Variants in APBA2 observed in about 807,000 individuals in gnomAD.
APBA2 encodes amyloid-beta A4 precursor protein-binding family A member 2.
A neutral mutation model predicts 75.0 loss-of-function variants in APBA2; 30 were observed. The ratio of observed to expected loss-of-function variants is 0.40; its 90% CI spans 0.30 to 0.54. APBA2 has a LOEUF of 0.54. Ranked by LOEUF, APBA2 falls within the 20% of genes least tolerant of loss-of-function variation. The probability of loss-of-function intolerance (pLI) is 0.49; values close to 1 mark genes in which losing one functional copy is unlikely to be tolerated. For synonymous variants in APBA2, 444 were observed against 409.6 expected (o/e 1.08, Z -1.01); for missense variants, 801 against 1,016.1 (o/e 0.79, Z 2.88).
chr15:28,975,861 G>A (rs1012754840), intron 2 of APBA2, among the ~76,000 whole-genome samples: 4 of 152,124 alleles, frequency 2.6e-5, no homozygotes, highest in African/African-American at 9.7e-5. Context: ...GTTTGATGGC[G>A]CCCTCTATTG....
At chr15:29,102,240 A>C (rs2044161903) in intron 10 of APBA2, 1 of 247,856 alleles carries the variant, frequency 4.0e-6, no homozygotes, top group Non-Finnish European at 7.9e-6. Context: ...AAGATACCAA[A>C]GACTCAGGAA....
intron 3 of APBA2, among the ~76,000 whole-genome samples, chr15:29,017,190 G>T (rs1264821351): frequency 6.6e-6 from 1 of 152,032 alleles, no homozygotes; most frequent in Non-Finnish European, 1.5e-5. Context: ...TGGGAAGAGG[G>T]TCAGAACCAA....
At chr15:29,032,031 GGGC>G (rs1194277343) in intron 3 of APBA2, among the ~76,000 whole-genome samples, 12 of 152,264 alleles carry the variant, frequency 7.9e-5, no homozygotes, top group Non-Finnish European at 1.6e-4. Flanking sequence ...CTCCTTGGAA[GGGC>G]TGTCTAGAAG....
Position 29,020,956 on chromosome 15 carries a change from G to A in APBA2, c.-41+25150G>A, listed in dbSNP as rs555964727. On this transcript the variant is annotated intron_variant, in intron 3 of 14. Coordinates refer to ENST00000683413, the MANE Select transcript of APBA2 (RefSeq NM_001353788.2). ...GTCTGTTACTGCGGCACGAACCTCAGACAATATATAAGCGTTCTGGGGGGT... is the reference window on the plus strand; with the variant it reads ...GTCTGTTACTGCGGCACGAACCTCAAACAATATATAAGCGTTCTGGGGGGT... Among the ~76,000 whole-genome samples, 4 of 152,284 alleles carry A rather than the reference G, an allele frequency of 2.6e-5. No individual in the cohort carries two copies. The East Asian group carries it at 5.8e-4, about 22-fold the overall frequency.
chr15:28,988,282 G>A (rs1255126776), intron 2 of APBA2, among the ~76,000 whole-genome samples: 1 of 123,444 alleles, frequency 8.1e-6, no homozygotes. Flanking sequence ...TTTTTTTTTT[G>A]AGATGGAGTC....
At chr15:28,977,258 C>T (rs549666050) in intron 2 of APBA2, 4 of 152,014 alleles carry the variant, frequency 2.6e-5, no homozygotes, top group Non-Finnish European at 4.4e-5. Context: ...GCTCTCACAT[C>T]GGGGAGAGAG....
At chr15:29,106,382 G>T (rs933599880) in intron 11 of APBA2, among the ~76,000 whole-genome samples, 1 of 150,496 alleles carries the variant, frequency 6.6e-6, no homozygotes, top group African/African-American at 2.5e-5. Flanking sequence ...TCCCAGGATT[G>T]CTGGGTGGAC....
chr15:29,053,609 C>T (rs112354341), intron 3 of APBA2, among the ~76,000 whole-genome samples: 37 of 152,180 alleles, frequency 2.4e-4, no homozygotes, highest in African/African-American at 6.0e-4. Flanking sequence ...CGTGAGTTGC[C>T]GGTGCCTCCC....
intron 1 of APBA2, among the ~76,000 whole-genome samples, chr15:28,913,106 G>A (rs1031091951): frequency 1.8e-4 from 27 of 152,198 alleles, no homozygotes; most frequent in African/African-American, 5.5e-4. Context: ...GTTTGTGTCC[G>A]TCGCAGATGG....
chr15:28,936,551 A>C (rs1313226510), intron 2 of APBA2, among the ~76,000 whole-genome samples: 2 of 152,190 alleles, frequency 1.3e-5, no homozygotes, highest in Non-Finnish European at 2.9e-5. Flanking sequence ...TTTATTCCCA[A>C]GGCACTAGTG....
chr15:29,011,361 G>C (rs2039394853), intron 3 of APBA2, among the ~76,000 whole-genome samples: 1 of 152,114 alleles, frequency 6.6e-6, no homozygotes, highest in Non-Finnish European at 1.5e-5. Flanking sequence ...TTCAAAATCT[G>C]TTCACTTTTT....
chr15:28,943,080 T>A (rs1290463688), intron 2 of APBA2, among the ~76,000 whole-genome samples: 1 of 152,130 alleles, frequency 6.6e-6, no homozygotes. Flanking sequence ...CCTCACGCGG[T>A]TCCTTGAGTT....
chr15:29,030,893 A>G (rs2040457659), intron 3 of APBA2, among the ~76,000 whole-genome samples: 1 of 151,982 alleles, frequency 6.6e-6, no homozygotes, highest in African/African-American at 2.4e-5. Flanking sequence ...GAATGTGGCT[A>G]TTAATTTCAC....
At chr15:29,059,785 A>G (rs898158129) in intron 4 of APBA2, among the ~76,000 whole-genome samples, 1 of 152,130 alleles carries the variant, frequency 6.6e-6, no homozygotes, top group Non-Finnish European at 1.5e-5. Flanking sequence ...GAACATAACT[A>G]TGTGAATGAG....
At chr15:28,921,997 G>T (rs1021707595) in intron 2 of APBA2, among the ~76,000 whole-genome samples, 7 of 152,222 alleles carry the variant, frequency 4.6e-5, no homozygotes. Flanking sequence ...CAGTTGCTAG[G>T]AGAAGACTGT....
chr15:29,114,574 G>A (rs558645755), intron 14 of APBA2, among the ~76,000 whole-genome samples: 66 of 151,670 alleles, frequency 4.4e-4, no homozygotes, highest in Admixed American at 2.2e-3. Flanking sequence ...CGCAGCGGGT[G>A]TGCGTGTGTG....
chr15:29,091,325 A>AC (rs981097767), intron 6 of APBA2, among the ~76,000 whole-genome samples: 2 of 152,024 alleles, frequency 1.3e-5, no homozygotes, highest in African/African-American at 4.8e-5. Context: ...TGATCCTCTG[A>AC]CCCCAGGGGC....
rs1595949264 is a variant in APBA2, at chr15:29,094,575, G to A, written c.1251+262G>A. Among the ~76,000 whole-genome samples the A allele has an allele frequency of 3.9e-5, 6 of 152,344 alleles. 1 individual carries two copies. In the Middle Eastern group the frequency reaches 0.02, roughly 518 times the overall value. On this transcript the variant is annotated intron_variant, in intron 8 of 14. Transcript: ENST00000683413. The stretch of plus-strand genomic sequence containing the variant: ...TGTACTGTATGGATAATGCTGTGAT[G>A]TTCCTGTTTTACGTGGACATTTTAA...
chr15:28,915,508 C>G (rs2033649493), intron 1 of APBA2, among the ~76,000 whole-genome samples: 1 of 148,818 alleles, frequency 6.7e-6, no homozygotes, highest in South Asian at 2.2e-4. Flanking sequence ...CCCCTCCATA[C>G]ATACCACACA....
Sources: allele counts gnomAD v4.1 joint callset (sites outside exome capture counted in the v4.1 genomes callset), GRCh38; gene constraint gnomAD v4.1.1; transcripts MANE v1.5; gene names NCBI Gene and HGNC (gene_info 2026-07-23, HGNC 2026-07-21).